NAV3: variants seen among roughly 807,000 people sequenced by gnomAD.
NAV3 encodes the protein pore membrane and/or filament interacting like protein 1.
In NAV3, 87 loss-of-function variants were observed where a neutral mutation model predicts 244.7. The ratio of observed to expected loss-of-function variants is 0.36; its 90% CI spans 0.30 to 0.42. NAV3 has a LOEUF of 0.42. NAV3 is among the 20% of genes least tolerant of loss of function. NAV3 has a pLI of 1.00. For synonymous variants in NAV3, 1,126 were observed against 1,042.2 expected (o/e 1.08, Z -1.55); for missense variants, 2,663 against 2,893.3 (o/e 0.92, Z 1.83).
intron 12 of NAV3, among the ~76,000 whole-genome samples, chr12:78,113,132 C>T (rs910191842): frequency 1.3e-5 from 2 of 152,238 alleles, no homozygotes; most frequent in Non-Finnish European, 2.9e-5. Flanking sequence ...CTTTGGGCAG[C>T]TCTGCCTCTG....
chr12:77,879,230 C>T (rs937780163), intron 1 of NAV3, among the ~76,000 whole-genome samples: 4 of 152,060 alleles, frequency 2.6e-5, no homozygotes, highest in South Asian at 2.1e-4. Flanking sequence ...TTGAACCATG[C>T]GATTTTAGAG....
chr12:77,688,314 C>T (rs532598060), intron 2 of NAV3, among the ~76,000 whole-genome samples: 303 of 152,094 alleles, frequency 2.0e-3, no homozygotes, highest in African/African-American at 6.4e-3. Context: ...CCCCTGACCC[C>T]CTAGATTAGG....
At chr12:78,026,869 C>T (rs12228656) in intron 9 of NAV3, among the ~76,000 whole-genome samples, 1 of 152,020 alleles carries the variant, frequency 6.6e-6, no homozygotes, top group East Asian at 1.9e-4. Context: ...AAAAAGGAAC[C>T]TAATAATTTT....
At chr12:78,065,209 C>A (rs1023266121) in intron 12 of NAV3, among the ~76,000 whole-genome samples, 1 of 151,800 alleles carries the variant, frequency 6.6e-6, no homozygotes, top group Non-Finnish European at 1.5e-5. Context: ...GCCTGCCCAG[C>A]AGGTGAGGTA....
At chr12:78,127,093 A>G (rs1955942828) in intron 16 of NAV3, 74 bp from the exon 17 acceptor site, 1 of 1,474,508 alleles carries the variant, frequency 6.8e-7, no homozygotes. Context: ...AGTTCAGAGA[A>G]CCATTTTTGT....
At chr12:77,660,956 G>T (rs1411117242) in intron 2 of NAV3, among the ~76,000 whole-genome samples, 2 of 152,028 alleles carry the variant, frequency 1.3e-5, no homozygotes, top group Non-Finnish European at 2.9e-5. Flanking sequence ...GTATTCCATT[G>T]TCTGGATATA....
At chr12:77,749,476 A>G (rs906564417) in intron 2 of NAV3, among the ~76,000 whole-genome samples, 1 of 152,214 alleles carries the variant, frequency 6.6e-6, no homozygotes, top group Admixed American at 6.5e-5. Context: ...CACAAAGTTA[A>G]TCTGCTGAGT....
intron 9 of NAV3, among the ~76,000 whole-genome samples, chr12:78,044,269 T>C (rs1454069684): frequency 6.6e-6 from 1 of 152,154 alleles, no homozygotes; most frequent in Non-Finnish European, 1.5e-5. Context: ...CTGAGGGCTC[T>C]GTTCTGTTTC....
chr12:78,028,800 A>G (rs1252742773), intron 9 of NAV3, among the ~76,000 whole-genome samples: 1 of 152,200 alleles, frequency 6.6e-6, no homozygotes, highest in Non-Finnish European at 1.5e-5. Context: ...TATTCTACTC[A>G]TTGTCTAGCT....
At chr12:77,686,831 G>A (rs1200926832) in intron 2 of NAV3, among the ~76,000 whole-genome samples, 2 of 151,974 alleles carry the variant, frequency 1.3e-5, no homozygotes, top group Admixed American at 1.3e-4. Flanking sequence ...AAAGCTCTGA[G>A]GAAGCTTTAA....
At chr12:78,111,818 C>A (rs541077273) in intron 12 of NAV3, among the ~76,000 whole-genome samples, 1 of 152,164 alleles carries the variant, frequency 6.6e-6, no homozygotes, top group African/African-American at 2.4e-5. Context: ...CAGTGGTCAT[C>A]AAAGTGTGTA....
intron 1 of NAV3, among the ~76,000 whole-genome samples, chr12:77,903,069 C>A (rs1885507606): frequency 6.6e-6 from 1 of 152,070 alleles, no homozygotes; most frequent in Admixed American, 6.6e-5. Flanking sequence ...CCATACTGCC[C>A]CAGGTAATTT....
chr12:77,890,939 T>C (rs1054849158), intron 1 of NAV3, among the ~76,000 whole-genome samples: 6 of 152,180 alleles, frequency 3.9e-5, no homozygotes, highest in Admixed American at 1.3e-4. Flanking sequence ...TGTTCTAATA[T>C]GATAAATGAT....
chr12:77,769,420 T>G (rs1869956908), intron 2 of NAV3, among the ~76,000 whole-genome samples: 1 of 152,196 alleles, frequency 6.6e-6, no homozygotes, highest in South Asian at 2.1e-4. Flanking sequence ...TCAGAAGCAT[T>G]TTCTGATAGC....
chr12:77,706,659 AG>A (rs1166842915), intron 2 of NAV3, among the ~76,000 whole-genome samples: 3 of 150,852 alleles, frequency 2.0e-5, no homozygotes, highest in African/African-American at 4.9e-5. Context: ...TCACGAGGTC[AG>A]GAGATCGAGA....
intron 2 of NAV3, among the ~76,000 whole-genome samples, chr12:77,706,196 C>T (rs1875791432): frequency 6.6e-6 from 1 of 151,338 alleles, no homozygotes; most frequent in Admixed American, 6.6e-5. Context: ...TATCACCATG[C>T]AAACTACTCC....
At chr12:77,579,354 T>A (rs1205834446) in intron 2 of NAV3, among the ~76,000 whole-genome samples, 1 of 152,230 alleles carries the variant, frequency 6.6e-6, no homozygotes, top group Non-Finnish European at 1.5e-5. Flanking sequence ...TCTACCTTAC[T>A]TCATTTTGTG....
intron 2 of NAV3, among the ~76,000 whole-genome samples, chr12:77,683,704 C>T (rs1408420857): frequency 1.3e-5 from 2 of 151,992 alleles, no homozygotes; most frequent in Non-Finnish European, 2.9e-5. Flanking sequence ...AGTAGGTGTG[C>T]TTTTATGTCT....
chr12:78,106,122 A>G (rs1954790042), intron 12 of NAV3, among the ~76,000 whole-genome samples: 1 of 151,876 alleles, frequency 6.6e-6, no homozygotes. Flanking sequence ...ACAGATTAGC[A>G]AAGAAAAAGT....
Sources: allele counts gnomAD v4.1 joint callset (sites outside exome capture counted in the v4.1 genomes callset), GRCh38; gene constraint gnomAD v4.1.1; transcripts MANE v1.5; gene names NCBI Gene and HGNC (gene_info 2026-07-23, HGNC 2026-07-21).